SEMA6A: variants seen among roughly 807,000 people sequenced by gnomAD.
The protein encoded by SEMA6A is semaphorin 6A, also known as semaphorin-6A.
SEMA6A carries 25 observed loss-of-function variants against 96.8 expected under a neutral mutation model. The observed-to-expected ratio is 0.26, with a 90% confidence interval of 0.19 to 0.36. The LOEUF is 0.36. Among genes scored for constraint, SEMA6A ranks in the 10% least tolerant of loss-of-function variants. SEMA6A has a pLI of 1.00. For synonymous variants in SEMA6A, 612 were observed against 518.0 expected (o/e 1.18, Z -2.46); for missense variants, 1,363 against 1,323.1 (o/e 1.03, Z -0.47).
chr5:116,485,501 A>G (rs1757007470), intron 10 of SEMA6A, among the ~76,000 whole-genome samples: 1 of 152,196 alleles, frequency 6.6e-6, no homozygotes, highest in Non-Finnish European at 1.5e-5. Flanking sequence ...ATCTAACTGA[A>G]TACTTCTTGG....
rs1032791307 is a variant in SEMA6A, at chr5:116,486,845, G to A, written c.866C>T (p.Ser289Phe). The stretch of plus-strand genomic sequence containing the variant: ...CTGGAGAATGTTGAAATAAAAATGA[G>A]AGTCTCCAGGAACTGAGCAGTTCAA... ...ARLNCSVPGDSHFYFNILQAV... is the reference protein window; with the variant it reads ...ARLNCSVPGDFHFYFNILQAV... The change falls in exon 10 of 19, where the codon TCT (serine) becomes TTT (phenylalanine). Residue 289 changes from serine to phenylalanine, a missense_variant. This residue lies in a region of SEMA6A where 480 missense variants were observed against 559.5 expected (regional missense o/e 0.86). Coordinates refer to ENST00000343348, the MANE Select transcript of SEMA6A (RefSeq NM_020796.5). 1 of 1,613,776 alleles carries A rather than the reference G, an allele frequency of 6.2e-7. No individual in the cohort carries two copies. The highest frequency in any genetic ancestry group is 1.7e-5 in the Admixed American group (1 of 60,012).
intron 1 of SEMA6A, among the ~76,000 whole-genome samples, chr5:116,529,861 GC>G (rs1177856959): frequency 6.6e-6 from 1 of 152,134 alleles, no homozygotes; most frequent in Non-Finnish European, 1.5e-5. Flanking sequence ...GGGGGAAGGA[GC>G]ATAGGTTGGA....
intron 18 of SEMA6A, among the ~76,000 whole-genome samples, chr5:116,450,151 C>T (rs1754531099): frequency 6.6e-6 from 1 of 152,192 alleles, no homozygotes; most frequent in Non-Finnish European, 1.5e-5. Flanking sequence ...TATAATTGCA[C>T]AAAAATGTAC....
At chr5:116,479,999 C>T in intron 12 of SEMA6A, 123 bp downstream of exon 12, 1 of 1,156,956 alleles carries the variant, frequency 8.6e-7, no homozygotes, top group South Asian at 1.5e-5. Flanking sequence ...CATTTCACAG[C>T]TGAATGAATG....
intron 18 of SEMA6A, among the ~76,000 whole-genome samples, chr5:116,465,709 C>T (rs1044639394): frequency 3.9e-5 from 6 of 151,956 alleles, no homozygotes; most frequent in South Asian, 2.1e-4. Flanking sequence ...GGGGAGTTAA[C>T]GATTAGAGAA....
chr5:116,446,380 G>GA lies in SEMA6A; in HGVS notation c.*232dup. 2.2e-6 allele frequency: 1 copy of GA among 448,358 alleles called. No homozygotes were observed. Among genetic ancestry groups the GA allele is most frequent in the Non-Finnish European group, 3.9e-6 (1 of 255,702 alleles). The allele number at this position is 448,358 out of a possible 1,614,324, so 27.8% of individuals were successfully genotyped here. The stretch of plus-strand genomic sequence containing the variant: ...GTCCGACCTGTTGTAGGGTGTGGGG[G>GA]AAAGTGAAGGAAGAGAATGAAGGTG... On this transcript the variant is annotated 3_prime_UTR_variant, in exon 19 of 19. Transcript: ENST00000343348.
chr5:116,567,822 T>C lies in SEMA6A; in HGVS notation c.-39+6363A>G, dbSNP rs139702682. On this transcript the variant is annotated intron_variant, in intron 1 of 18. Coordinates refer to ENST00000343348, the MANE Select transcript of SEMA6A (RefSeq NM_020796.5). ...GATGGAAACTTCTACTAGTCCTGGT[T>C]CACCCTGACATATTAATCGTTACAC... is the stretch of plus-strand genomic sequence containing the variant. Among the ~76,000 whole-genome samples, 42 of 152,354 alleles carry C rather than the reference T, an allele frequency of 2.8e-4. 1 individual carries two copies. The East Asian group carries it at 8.1e-3, about 29-fold the overall frequency.
chr5:116,508,073 T>C (rs1294740616), intron 1 of SEMA6A: 2 of 152,100 alleles, frequency 1.3e-5, no homozygotes, highest in Non-Finnish European at 1.5e-5. Flanking sequence ...ATCACAGAAC[T>C]GTGATGTACA....
At chr5:116,464,791 G>A (rs2112638132) in intron 18 of SEMA6A, among the ~76,000 whole-genome samples, 2 of 152,334 alleles carry the variant, frequency 1.3e-5, no homozygotes, top group South Asian at 4.1e-4. Context: ...TGGAAATGGA[G>A]AATTGTTTGG....
chr5:116,528,769 G>C (rs1165342192), intron 1 of SEMA6A, among the ~76,000 whole-genome samples: 1 of 152,180 alleles, frequency 6.6e-6, no homozygotes, highest in African/African-American at 2.4e-5. Flanking sequence ...CTTTGTGCTA[G>C]GCAGATAGCC....
chr5:116,538,331 A>AT (rs1759816938), intron 1 of SEMA6A, among the ~76,000 whole-genome samples: 1 of 152,160 alleles, frequency 6.6e-6, no homozygotes, highest in South Asian at 2.1e-4. Context: ...CTTTAAAAGC[A>AT]TTTTGTCTTC....
At chr5:116,463,796 C>G (rs1755560659) in intron 18 of SEMA6A, among the ~76,000 whole-genome samples, 2 of 152,164 alleles carry the variant, frequency 1.3e-5, no homozygotes, top group Non-Finnish European at 2.9e-5. Context: ...CACAAGAACT[C>G]TTTATTATAA....
At position 116,495,415 on chromosome 5, in the gene SEMA6A, T is replaced by G; in HGVS notation, c.442A>C (p.Lys148Gln). Residue 148 changes from lysine (K) to glutamine (Q), a missense_variant and splice_region_variant, in exon 6 of 19, where the codon AAG becomes CAG. Physicochemically the swap from Lys to Gln is moderately conservative, Grantham distance 53. Coordinates refer to ENST00000343348, the MANE Select transcript of SEMA6A (RefSeq NM_020796.5). ...NAFNPSCRNY[K>Q]MDTLEPFGDE... is the part of the protein sequence containing the mutation. ...TCCAACCGACAAATAGCATTTACCT[T>G]ATAGTTTCTGCAGGAAGGGTTGAAG... 6.2e-7 allele frequency: 1 copy of G among 1,605,506 alleles called. No homozygotes were observed. The highest frequency in any genetic ancestry group is 2.2e-5 in the East Asian group (1 of 44,676).
intron 1 of SEMA6A, among the ~76,000 whole-genome samples, chr5:116,507,176 A>G (rs1758179019): frequency 6.6e-6 from 1 of 152,156 alleles, no homozygotes; most frequent in Admixed American, 6.5e-5. Flanking sequence ...GCTGTTTTAT[A>G]TGTCTTTCTA....
chr5:116,556,213 A>G (rs1483957911), intron 1 of SEMA6A, among the ~76,000 whole-genome samples: 2 of 152,252 alleles, frequency 1.3e-5, no homozygotes, highest in African/African-American at 2.4e-5. Context: ...CATAGTAGGC[A>G]TGTACTATAT....
At chr5:116,479,596 G>A (rs554359476) in intron 12 of SEMA6A, among the ~76,000 whole-genome samples, 17 of 152,292 alleles carry the variant, frequency 1.1e-4, no homozygotes, top group Non-Finnish European at 1.9e-4. Context: ...ATACAAGGAA[G>A]AGTTTTTTAA....
intron 17 of SEMA6A, among the ~76,000 whole-genome samples, chr5:116,470,692 T>G (rs917534490): frequency 6.6e-5 from 10 of 152,174 alleles, no homozygotes; most frequent in African/African-American, 2.4e-4. Context: ...ACAGAGCTTT[T>G]GACAAGCAGA....
In SEMA6A at chr5:116,553,553, T is replaced by C. The variant is rs548659330; in HGVS notation, c.-39+20632A>G. 1.6e-4 allele frequency among the ~76,000 whole-genome samples: 25 copies of C among 152,314 alleles called. 1 individual carries two copies. In the East Asian group the frequency reaches 4.4e-3, roughly 27 times the overall value. On this transcript the variant is annotated intron_variant, in intron 1 of 18. Transcript: ENST00000343348. ...ATAGGAAGGCATTAGAGAAGGTCTG[T>C]TGTACTGATGAAGTGGAATTCCTAG... is the stretch of plus-strand genomic sequence containing the variant.
intron 10 of SEMA6A, among the ~76,000 whole-genome samples, chr5:116,486,411 C>T (rs1490658157): frequency 1.3e-5 from 2 of 152,148 alleles, no homozygotes; most frequent in Admixed American, 1.3e-4. Flanking sequence ...ATATGTCGAG[C>T]TCACTTTCCT....
Sources: gnomAD v4.1 joint callset for allele counts (sites outside exome capture counted in the v4.1 genomes callset) on GRCh38, gnomAD v4.1.1 for gene constraint, gnomAD v4.1.1 regional missense constraint, MANE v1.5 for transcripts, NCBI Gene and HGNC (gene_info 2026-07-23, HGNC 2026-07-21) for gene names.